The following ULBP1 variants were observed in gnomAD, a reference collection of about 807,000 sequenced individuals.
ULBP1 encodes UL16 binding protein 1.
A neutral mutation model predicts 25.3 loss-of-function variants in ULBP1; 28 were observed. The ratio of observed to expected loss-of-function variants is 1.10; its 90% CI spans 0.82 to 1.51. The LOEUF (loss-of-function observed/expected upper bound fraction) is 1.51, where lower values mean the gene tolerates loss of function less well. ULBP1 is among the 40% of genes most tolerant of loss of function. The pLI is 0.00. For missense variants in ULBP1, 348 were observed against 290.9 expected (o/e 1.20, Z -1.43); for synonymous variants, 129 against 103.0 (o/e 1.25, Z -1.53).
Position 149,969,225 on chromosome 6 carries a change from G to A in ULBP1, c.490G>A (p.Gly164Arg). The A allele has an allele frequency of 6.2e-7, 1 of 1,614,242 alleles. No homozygotes were observed. The highest frequency in any genetic ancestry group is 8.5e-7 in the Non-Finnish European group (1 of 1,180,052). Residue 164 changes from glycine to arginine, a missense_variant, in exon 3 of 5, where the codon GGA (glycine) becomes AGA (arginine). Gly to Arg is a moderately radical substitution (Grantham distance 125). Coordinates refer to ENST00000229708, the MANE Select transcript of ULBP1 (RefSeq NM_025218.4). The stretch of plus-strand genomic sequence containing the variant: ...CAGAAAGTGGACAGCACTTCATCCT[G>A]GAGCCAAGAAGATGACAGAGAAGTG... ...NNRKWTALHP[G>R]AKKMTEKWEK...
At chr6:149,964,624 C>A (rs767999246) in intron 1 of ULBP1, among the ~76,000 whole-genome samples, 2 of 149,554 alleles carry the variant, frequency 1.3e-5, no homozygotes, top group African/African-American at 4.9e-5. Context: ...GCCATCTCAC[C>A]GAACATCGCG....
chr6:149,964,778 C>A lies in ULBP1; in HGVS notation c.85+644C>A, dbSNP rs1297737258. Among the ~76,000 whole-genome samples the A allele has an allele frequency of 2.1e-5, 3 of 144,768 alleles. No homozygotes were observed. The South Asian group carries it at 6.6e-4, about 32-fold the overall frequency. The allele number at this position is 144,768 out of a possible 152,430, so 95.0% of individuals were successfully genotyped here. On this transcript the variant is annotated intron_variant, in intron 1 of 4. Transcript: ENST00000229708. ...GCGCGATGCCCCCGAACATCGCGTTCTACCCCAACATCGCGATCCCTCCGA... is the reference window on the plus strand; with the variant it reads ...GCGCGATGCCCCCGAACATCGCGTTATACCCCAACATCGCGATCCCTCCGA...
At position 149,968,533 on chromosome 6, in the gene ULBP1, AC is replaced by A. The variant is rs1212348075; in HGVS notation, c.86-72del. On this transcript the variant is annotated intron_variant, in intron 1 of 4. Transcript: ENST00000229708. ...CCCTCAGAGGCCTTCACTTGCAGTC[AC>A]CATAAGTGGGAGGAGGGGATACAGG... is the stretch of plus-strand genomic sequence containing the variant. 2.6e-6 allele frequency: 4 copies of A among 1,531,782 alleles called. No individual in the cohort carries two copies. In the African/African-American group the frequency reaches 5.5e-5, roughly 21 times the overall value. 94.9% of individuals were successfully genotyped at this position (1,531,782 alleles called of 1,614,324 possible).
intron 1 of ULBP1, among the ~76,000 whole-genome samples, chr6:149,967,542 C>T (rs570466137): frequency 1.1e-4 from 16 of 152,228 alleles, no homozygotes; most frequent in South Asian, 4.2e-4. Flanking sequence ...TCCATCCTTG[C>T]GTTTTGTCTT....
Position 149,965,959 on chromosome 6 carries a change from A to G in ULBP1, c.85+1825A>G, listed in dbSNP as rs138938297. Among the ~76,000 whole-genome samples, 526 of 151,902 alleles carry G rather than the reference A, an allele frequency of 3.5e-3. 1 individual carries two copies. The highest frequency in any genetic ancestry group is 0.011 in the African/African-American group (463 of 41,322). Reference sequence around the variant, plus strand: ...GCAAACACACCCCAGGCTTTCCACAAAACTTAATGCAGGGGGGACGGGAAA... The same window carrying G: ...GCAAACACACCCCAGGCTTTCCACAGAACTTAATGCAGGGGGGACGGGAAA... On this transcript the variant is annotated intron_variant, in intron 1 of 4. Coordinates refer to ENST00000229708, the MANE Select transcript of ULBP1 (RefSeq NM_025218.4).
chr6:149,964,234 C>A, intron 1 of ULBP1, 100 bp downstream of exon 1: 5 of 1,330,886 alleles, frequency 3.8e-6, no homozygotes, highest in Admixed American at 2.1e-5. Flanking sequence ...GAAGGACCGG[C>A]GCGATCTCCC....
At position 149,972,114 on chromosome 6, in the gene ULBP1, C is replaced by T. The variant is rs746844637; in HGVS notation, c.*768C>T. The T allele has an allele frequency of 6.6e-6, 1 of 152,044 alleles. No homozygotes were observed. The highest frequency in any genetic ancestry group is 1.5e-5 in the Non-Finnish European group (1 of 68,020). The allele number at this position is 152,044 out of a possible 1,614,324, so 9.4% of individuals were successfully genotyped here. A position where few individuals can be genotyped will look rare whatever the true frequency, so the allele number is the denominator to read the frequency against. On this transcript the variant is annotated 3_prime_UTR_variant, in exon 5 of 5. Transcript: ENST00000229708. Reference sequence around the variant, plus strand: ...GGGATTACAGACATGAACCACAGTGCCTGTTGTAGAAATTTTTAATTATTT... The same window carrying T: ...GGGATTACAGACATGAACCACAGTGTCTGTTGTAGAAATTTTTAATTATTT...
chr6:149,972,261 A>G lies in ULBP1; in HGVS notation c.*915A>G, dbSNP rs918502451. 1 of 152,046 alleles carries G rather than the reference A, an allele frequency of 6.6e-6. No individual in the cohort carries two copies. Among genetic ancestry groups the G allele is most frequent in the Non-Finnish European group, 1.5e-5 (1 of 68,022 alleles). 9.4% of individuals were successfully genotyped at this position (152,046 alleles called of 1,614,324 possible). A position where few individuals can be genotyped will look rare whatever the true frequency, so the allele number is the denominator to read the frequency against. ...AATAGAAATGGGCAATGTGGGAAAG[A>G]CTCCCTATTCGAAAATTAGTGCTGG... On this transcript the variant is annotated 3_prime_UTR_variant, in exon 5 of 5. Coordinates refer to ENST00000229708, the MANE Select transcript of ULBP1 (RefSeq NM_025218.4).
rs746363135 is a variant in ULBP1 at position 149,964,057 on chromosome 6, C to A, written c.8C>A (p.Ala3Glu). The change falls in exon 1 of 5, where the codon GCG (alanine) becomes GAG (glutamate). Residue 3 changes from alanine to glutamate, a missense_variant. Coordinates refer to ENST00000229708, the MANE Select transcript of ULBP1 (RefSeq NM_025218.4). MA[A>E]AASPAFLLCL... ...CGGAGCTCCAGGTCTACAATGGCAG[C>A]GGCCGCCAGCCCCGCGTTCCTTCTG... The A allele has an allele frequency of 2.5e-6, 4 of 1,614,144 alleles. No homozygotes were observed. The highest frequency in any genetic ancestry group is 3.4e-6 in the Non-Finnish European group (4 of 1,180,018).
chr6:149,970,168 AG>A, intron 4 of ULBP1, 21 bp downstream of exon 4: 1 of 1,561,432 alleles, frequency 6.4e-7, no homozygotes, highest in African/African-American at 1.4e-5. Context: ...CAATATTGGG[AG>A]GGGAGCAAGA....
chr6:149,970,178 G>C, intron 4 of ULBP1, 31 bp downstream of exon 4: 11 of 1,551,784 alleles, frequency 7.1e-6, no homozygotes, highest in Non-Finnish European at 8.7e-6. Context: ...AGGGGAGCAA[G>C]AGGCAGATGG....
Position 149,971,724 on chromosome 6 carries a change from C to T in ULBP1, c.*378C>T, listed in dbSNP as rs1344445096. ...AAGCAGACACTTCTCTGAAACATGA[C>T]CTTATTCTTCCAAACAGTATCGCTA... On this transcript the variant is annotated 3_prime_UTR_variant, in exon 5 of 5. Coordinates refer to ENST00000229708, the MANE Select transcript of ULBP1 (RefSeq NM_025218.4). 3 of 152,148 alleles carry T rather than the reference C, an allele frequency of 2.0e-5. No homozygotes were observed. The highest frequency in any genetic ancestry group is 2.9e-5 in the Non-Finnish European group (2 of 68,026). 9.4% of individuals were successfully genotyped at this position (152,148 alleles called of 1,614,324 possible). A position where few individuals can be genotyped will look rare whatever the true frequency, so the allele number is the denominator to read the frequency against.
intron 1 of ULBP1, among the ~76,000 whole-genome samples, chr6:149,966,955 A>G (rs867318828): frequency 5.9e-5 from 9 of 152,180 alleles, no homozygotes; most frequent in Middle Eastern, 3.2e-3. Flanking sequence ...AGGGTCAAAT[A>G]GCTGTATTGG....
rs1450343592 is a variant in ULBP1, at chr6:149,964,142, C to T, written c.85+8C>T. ...CCCGGGCAGGATGGGTCGGTGAGTT[C>T]GGGGATGTAGCCTAAGCAGGGCGGG... On this transcript the variant is annotated splice_region_variant and intron_variant, in intron 1 of 4. Transcript: ENST00000229708. 6.2e-7 allele frequency: 1 copy of T among 1,613,970 alleles called. No homozygotes were observed. The highest frequency in any genetic ancestry group is 2.2e-5 in the East Asian group (1 of 44,894).
In ULBP1 at chr6:149,969,268, T is replaced by G; in HGVS notation, c.533T>G (p.Val178Gly). 6.2e-7 allele frequency: 1 copy of G among 1,614,248 alleles called. No individual in the cohort carries two copies. Among genetic ancestry groups the G allele is most frequent in the Non-Finnish European group, 8.5e-7 (1 of 1,180,042 alleles). ...MTEKWEKNRD[V>G]TMFFQKISLG... ...GAGAAGTGGGAGAAGAACAGGGATG[T>G]GACCATGTTCTTCCAGAAGATTTCA... Residue 178 changes from valine to glycine, a missense_variant, in exon 3 of 5, where the codon GTG becomes GGG. Physicochemically the swap from Val to Gly is moderately radical, Grantham distance 109 (BLOSUM62 -3). Transcript: ENST00000229708.
rs559509816 is a variant in ULBP1, at chr6:149,967,698, A to C, written c.86-909A>C. Among the ~76,000 whole-genome samples, 8 of 152,174 alleles carry C rather than the reference A, an allele frequency of 5.3e-5. No individual in the cohort carries two copies. The East Asian group carries it at 5.8e-4, about 11-fold the overall frequency. On this transcript the variant is annotated intron_variant, in intron 1 of 4. Coordinates refer to ENST00000229708, the MANE Select transcript of ULBP1 (RefSeq NM_025218.4). The stretch of plus-strand genomic sequence containing the variant: ...GGCATTGTGACTTCTTTAATTATTT[A>C]CATCATTGCACCCTCCTTCCTGCTG...
intron 1 of ULBP1, among the ~76,000 whole-genome samples, chr6:149,966,591 T>C (rs1279127106): frequency 1.3e-5 from 2 of 152,148 alleles, no homozygotes; most frequent in Non-Finnish European, 2.9e-5. Context: ...CAACTGCTTG[T>C]GCAGCTTCTT....
rs1158543953 is a variant in ULBP1, at chr6:149,973,145, C to T, written c.*1799C>T. On this transcript the variant is annotated 3_prime_UTR_variant, in exon 5 of 5. Coordinates refer to ENST00000229708, the MANE Select transcript of ULBP1 (RefSeq NM_025218.4). ...ATAGATACGATGGAAAACTATGCAGCCATGAAACACAAGAAAATCATGTCC... is the reference window on the plus strand; with the variant it reads ...ATAGATACGATGGAAAACTATGCAGTCATGAAACACAAGAAAATCATGTCC... 1 of 152,148 alleles carries T rather than the reference C, an allele frequency of 6.6e-6. No homozygotes were observed. Among genetic ancestry groups the T allele is most frequent in the Non-Finnish European group, 1.5e-5 (1 of 68,032 alleles). The allele number at this position is 152,148 out of a possible 1,614,324, so 9.4% of individuals were successfully genotyped here. A position where few individuals can be genotyped will look rare whatever the true frequency, so the allele number is the denominator to read the frequency against.
At position 149,972,427 on chromosome 6, in the gene ULBP1, C is replaced by T. The variant is rs1779334194; in HGVS notation, c.*1081C>T. On this transcript the variant is annotated 3_prime_UTR_variant, in exon 5 of 5. Coordinates refer to ENST00000229708, the MANE Select transcript of ULBP1 (RefSeq NM_025218.4). ...TCCTGGAATATAACCTAAGAAATACCAATGTGGACATAGGGCCTGGCAAAG... is the reference window on the plus strand; with the variant it reads ...TCCTGGAATATAACCTAAGAAATACTAATGTGGACATAGGGCCTGGCAAAG... 1 of 151,976 alleles carries T rather than the reference C, an allele frequency of 6.6e-6. No individual in the cohort carries two copies. The highest frequency in any genetic ancestry group is 2.4e-5 in the African/African-American group (1 of 41,358). 9.4% of individuals were successfully genotyped at this position (151,976 alleles called of 1,614,324 possible). A position where few individuals can be genotyped will look rare whatever the true frequency, so the allele number is the denominator to read the frequency against.
Sources: allele counts gnomAD v4.1 joint callset (sites outside exome capture counted in the v4.1 genomes callset), GRCh38; gene constraint gnomAD v4.1.1; transcripts MANE v1.5; gene names NCBI Gene and HGNC (gene_info 2026-07-23, HGNC 2026-07-21).